The following ZNF627 variants were observed in gnomAD, a reference collection of about 807,000 sequenced individuals.
ZNF627 encodes zinc finger protein 627.
A neutral mutation model predicts 10.6 loss-of-function variants in ZNF627; 12 were observed. The observed-to-expected ratio is 1.13, with a 90% CI of 0.73 to 1.84. The LOEUF is 1.84. Among genes scored for constraint, ZNF627 ranks in the 40% most tolerant of loss-of-function variants. ZNF627 has a pLI of 0.00. For missense variants in ZNF627, 504 were observed against 568.4 expected, an observed-to-expected ratio of 0.89 and a Z score of 1.15; for synonymous variants, 176 against 187.1, an observed-to-expected ratio of 0.94 and a Z score of 0.48.
In ZNF627 at chr19:11,617,972, C is replaced by A; in HGVS notation, c.*83C>A. On this transcript the variant is annotated 3_prime_UTR_variant, in exon 4 of 4. Transcript: ENST00000361113. ...CAGTCCTTTCTGTTTCTTTCAACTA[C>A]GTGAAAGGATTCACAGTGGAGAAAG... The A allele has an allele frequency of 1.6e-6, 2 of 1,216,132 alleles. No individual in the cohort carries two copies. The highest frequency in any genetic ancestry group is 2.2e-6 in the Non-Finnish European group (2 of 888,984). The allele number at this position is 1,216,132 out of a possible 1,614,324, so 75.3% of individuals were successfully genotyped here.
At chr19:11,609,694 A>G (rs904074429) in intron 1 of ZNF627, among the ~76,000 whole-genome samples, 2 of 151,304 alleles carry the variant, frequency 1.3e-5, no homozygotes, top group Non-Finnish European at 2.9e-5. Context: ...ATGTTTGTGT[A>G]TTTTTAGTAG....
chr19:11,611,996 C>CA (rs1973778512), intron 1 of ZNF627, among the ~76,000 whole-genome samples: 1 of 151,500 alleles, frequency 6.6e-6, no homozygotes, highest in Admixed American at 6.6e-5. Flanking sequence ...GATTTTAGTC[C>CA]AAAAAAATGG....
At chr19:11,604,583 A>G (rs1193479773) in intron 1 of ZNF627, among the ~76,000 whole-genome samples, 1 of 152,196 alleles carries the variant, frequency 6.6e-6, no homozygotes, top group Non-Finnish European at 1.5e-5. Flanking sequence ...GCCCAGCAGA[A>G]TGGCATGTGT....
chr19:11,605,984 G>A (rs1213850129), intron 1 of ZNF627, among the ~76,000 whole-genome samples: 1 of 152,128 alleles, frequency 6.6e-6, no homozygotes, highest in Non-Finnish European at 1.5e-5. Flanking sequence ...CCAAAACAAA[G>A]GGGCTAGAGG....
intron 1 of ZNF627, among the ~76,000 whole-genome samples, chr19:11,599,897 ACT>A (rs1467559157): frequency 1.3e-5 from 2 of 151,714 alleles, no homozygotes; most frequent in Non-Finnish European, 2.9e-5. Context: ...ACAGAGCGAG[ACT>A]CTGTCTCAAA....
At chr19:11,601,955 G>A (rs949371195) in intron 1 of ZNF627, among the ~76,000 whole-genome samples, 20 of 142,642 alleles carry the variant, frequency 1.4e-4, no homozygotes, top group African/African-American at 4.8e-4. Context: ...GCAGTGAGCC[G>A]AGATCGCGCC....
At chr19:11,614,753 A>G in intron 2 of ZNF627, 74 bp from the exon 3 acceptor site, 2 of 1,598,396 alleles carry the variant, frequency 1.3e-6, no homozygotes, top group Admixed American at 3.5e-5. Flanking sequence ...ACAGGGAATT[A>G]TGAATATAGA....
intron 1 of ZNF627, among the ~76,000 whole-genome samples, chr19:11,601,516 A>G (rs1156466141): frequency 2.0e-5 from 3 of 151,918 alleles, no homozygotes; most frequent in African/African-American, 7.3e-5. Flanking sequence ...ATATTTTTAA[A>G]AAAGTTTTTT....
chr19:11,603,468 G>A (rs1268895649), intron 1 of ZNF627, among the ~76,000 whole-genome samples: 1 of 143,902 alleles, frequency 6.9e-6, no homozygotes, highest in African/African-American at 2.6e-5. Context: ...TTTTTTTTTT[G>A]TGGAGGCGGG....
At chr19:11,611,978 T>C (rs1419397015) in intron 1 of ZNF627, among the ~76,000 whole-genome samples, 1 of 152,144 alleles carries the variant, frequency 6.6e-6, no homozygotes, top group East Asian at 1.9e-4. Context: ...TGTTGGGGAC[T>C]AGTATAGGAT....
intron 1 of ZNF627, among the ~76,000 whole-genome samples, chr19:11,600,974 C>T (rs1973574949): frequency 6.6e-6 from 1 of 152,202 alleles, no homozygotes; most frequent in South Asian, 2.1e-4. Context: ...TTACTGGAAT[C>T]TTCAAACCCT....
intron 1 of ZNF627, among the ~76,000 whole-genome samples, chr19:11,612,731 T>G (rs1302038294): frequency 6.6e-6 from 1 of 152,014 alleles, no homozygotes; most frequent in Non-Finnish European, 1.5e-5. Flanking sequence ...TCAACTGCAT[T>G]TTTTCACATG....
chr19:11,612,118 CT>C (rs533449447), intron 1 of ZNF627, among the ~76,000 whole-genome samples: 1,248 of 91,670 alleles, frequency 0.014, 5 homozygotes, highest in Middle Eastern at 0.065. Flanking sequence ...GGTCCAACTG[CT>C]TTTTTTTTTT....
intron 1 of ZNF627, among the ~76,000 whole-genome samples, chr19:11,609,539 CTG>C (rs76027439): frequency 0.17 from 22,164 of 133,650 alleles, 2,280 homozygotes; most frequent in South Asian, 0.23. Context: ...CCCCCCGAGA[CTG>C]AGTCTTGCCC....
At chr19:11,601,696 G>A (rs760835113) in intron 1 of ZNF627, among the ~76,000 whole-genome samples, 1 of 151,882 alleles carries the variant, frequency 6.6e-6, no homozygotes, top group Non-Finnish European at 1.5e-5. Context: ...AGGGGAGAAG[G>A]CACCAAGTAT....
At chr19:11,598,796 A>G (rs534099751) in intron 1 of ZNF627, among the ~76,000 whole-genome samples, 18 of 152,308 alleles carry the variant, frequency 1.2e-4, no homozygotes, top group African/African-American at 4.3e-4. Context: ...CAGGAGAGGA[A>G]AGCAGAGAAT....
Position 11,614,516 on chromosome 19 carries a change from G to A in ZNF627, c.4-11G>A, listed in dbSNP as rs760657111. On this transcript the variant is annotated splice_polypyrimidine_tract_variant and intron_variant, in intron 1 of 3. Coordinates refer to ENST00000361113, the MANE Select transcript of ZNF627 (RefSeq NM_145295.4). The stretch of plus-strand genomic sequence containing the variant: ...TCAACCTTCCTCCTCCACACATGGG[G>A]GATGTTTCAGGATTCAGTGGCCTTT... 1.2e-6 allele frequency: 2 copies of A among 1,613,622 alleles called. No individual in the cohort carries two copies. The highest frequency in any genetic ancestry group is 4.5e-5 in the East Asian group (2 of 44,896).
At chr19:11,614,987 G>A (rs997794304) in intron 3 of ZNF627, 100 bp downstream of exon 3, 17 of 971,868 alleles carry the variant, frequency 1.7e-5, no homozygotes, top group Admixed American at 3.0e-5. Context: ...TCGCTCTGTC[G>A]CCAGGCTGGA....
At chr19:11,605,256 T>G (rs1472270954) in intron 1 of ZNF627, among the ~76,000 whole-genome samples, 1 of 151,738 alleles carries the variant, frequency 6.6e-6, no homozygotes, top group African/African-American at 2.4e-5. Flanking sequence ...CTAATTTTTT[T>G]TTGTATTTTT....
Sources: gnomAD v4.1 joint callset for allele counts (sites outside exome capture counted in the v4.1 genomes callset) on GRCh38, gnomAD v4.1.1 for gene constraint, MANE v1.5 for transcripts, NCBI Gene and HGNC (gene_info 2026-07-23, HGNC 2026-07-21) for gene names.